The following PKD1L3 variants were observed in gnomAD, a reference collection of about 807,000 sequenced individuals.
PKD1L3 encodes the protein polycystin-1-like protein 3.
In PKD1L3, 239 loss-of-function variants were observed where a neutral mutation model predicts 184.1. The observed-to-expected ratio is 1.30, with a 90% CI of 1.17 to 1.45. The LOEUF is 1.45. PKD1L3 is among the 40% of genes most tolerant of loss of function. The pLI is 0.00. For missense variants in PKD1L3, 2,660 were observed against 2,067.2 expected (o/e 1.29, Z -5.56); for synonymous variants, 996 against 778.8 (o/e 1.28, Z -4.64).
intron 28 of PKD1L3, among the ~76,000 whole-genome samples, chr16:71,931,922 C>CT (rs1443743382): frequency 1.3e-5 from 2 of 152,164 alleles, no homozygotes; most frequent in Non-Finnish European, 2.9e-5. Flanking sequence ...GGGAGACAGT[C>CT]TCGCTCAGAG....
chr16:71,997,977 T>C (rs1011234501), intron 2 of PKD1L3, among the ~76,000 whole-genome samples: 3 of 152,188 alleles, frequency 2.0e-5, no homozygotes, highest in Non-Finnish European at 2.9e-5. Context: ...GACTGAATTA[T>C]GAGTGTGCAT....
chr16:71,970,072 A>G lies in PKD1L3; in HGVS notation c.1987T>C (p.Cys663Arg), dbSNP rs1031271826. The change falls in exon 13 of 30, where the codon TGT becomes CGT. Residue 663 changes from cysteine (C) to arginine (R), a missense_variant. Transcript: ENST00000620267. ...GPQSTILRTQ[C>R]LCNHLTFFAS... ...AAGAAGGTCAGGTGGTTACAGAGAC[A>G]CTGTGTCCTCAGAATTGTGCTCTGT... 11 of 1,551,572 alleles carry G rather than the reference A, an allele frequency of 7.1e-6. No homozygotes were observed. Among genetic ancestry groups the G allele is most frequent in the Non-Finnish European group, 8.7e-6 (10 of 1,147,004 alleles).
chr16:71,946,785 G>A (rs1188472024), intron 22 of PKD1L3, among the ~76,000 whole-genome samples: 1 of 8,754 alleles, frequency 1.1e-4, no homozygotes, highest in Admixed American at 1.6e-3. Flanking sequence ...GGGAGCAGTG[G>A]AGAACAGCAC....
chr16:71,939,900 G>C (rs1259963699), intron 24 of PKD1L3, among the ~76,000 whole-genome samples: 2 of 152,090 alleles, frequency 1.3e-5, no homozygotes, highest in Non-Finnish European at 2.9e-5. Flanking sequence ...AAGAAAAGGA[G>C]GGCAGATGAG....
intron 29 of PKD1L3, 42 bp downstream of exon 29, chr16:71,930,010 C>T (rs1182352202): frequency 1.3e-6 from 2 of 1,521,502 alleles, no homozygotes; most frequent in Non-Finnish European, 1.8e-6. Flanking sequence ...GGAGCTTTCC[C>T]AGTGATATAA....
intron 28 of PKD1L3, among the ~76,000 whole-genome samples, chr16:71,932,913 A>AGT (rs1426415717): frequency 6.7e-6 from 1 of 150,008 alleles, no homozygotes; most frequent in Non-Finnish European, 1.5e-5. Flanking sequence ...CAGCCTCCTG[A>AGT]GTGGCTAGGA....
rs1055491809 is a variant in PKD1L3 at position 71,986,115 on chromosome 16, G to C, written c.834+106C>G. 44 of 1,395,886 alleles carry C rather than the reference G, an allele frequency of 3.2e-5. 1 individual carries two copies. Among genetic ancestry groups the C allele is most frequent in the Admixed American group, 1.3e-4 (6 of 45,004 alleles). 86.5% of individuals were successfully genotyped at this position (1,395,886 alleles called of 1,614,324 possible). A position where few individuals can be genotyped will look rare whatever the true frequency, so the allele number is the denominator to read the frequency against. Reference sequence around the variant, plus strand: ...TTGTTTTGGATTGGCATATACGCTGGTCTGTCAGGCATTCTTAGGTGTAGT... The same window carrying C: ...TTGTTTTGGATTGGCATATACGCTGCTCTGTCAGGCATTCTTAGGTGTAGT... On this transcript the variant is annotated intron_variant, in intron 5 of 29. Transcript: ENST00000620267.
intron 11 of PKD1L3, among the ~76,000 whole-genome samples, chr16:71,974,792 G>A (rs980872828): frequency 1.2e-4 from 18 of 152,172 alleles, no homozygotes; most frequent in African/African-American, 3.9e-4. Flanking sequence ...TTGCTGCCTC[G>A]GGGACTTTGC....
intron 15 of PKD1L3, among the ~76,000 whole-genome samples, chr16:71,966,788 A>T (rs2039517093): frequency 6.6e-6 from 1 of 152,226 alleles, no homozygotes; most frequent in Middle Eastern, 3.4e-3. Context: ...TGTTTACTAA[A>T]GTTAGTCTTT....
At chr16:71,947,413 A>T in intron 22 of PKD1L3, 79 bp downstream of exon 22, 2 of 911,940 alleles carry the variant, frequency 2.2e-6, no homozygotes, top group Non-Finnish European at 3.5e-6. Context: ...TGAATGGGTT[A>T]ATTTATCGAG....
chr16:71,932,780 C>CT (rs71153681), intron 28 of PKD1L3, among the ~76,000 whole-genome samples: 1,470 of 97,070 alleles, frequency 0.015, 16 homozygotes, highest in African/African-American at 0.031. Context: ...CGCACCTGGC[C>CT]TTTTTTTTTT....
chr16:71,987,446 T>A (rs2040416462), intron 4 of PKD1L3, among the ~76,000 whole-genome samples: 1 of 152,052 alleles, frequency 6.6e-6, no homozygotes, highest in Non-Finnish European at 1.5e-5. Context: ...CCACCTCAGC[T>A]CACTGCAGCC....
At chr16:71,978,453 T>C (rs2040012209) in intron 9 of PKD1L3, 70 bp from the exon 10 acceptor site, 3 of 1,313,842 alleles carry the variant, frequency 2.3e-6, no homozygotes, top group Non-Finnish European at 3.1e-6. Flanking sequence ...TAGAAAGATA[T>C]ATCATATATA....
chr16:71,992,111 G>A (rs10852509), intron 3 of PKD1L3, among the ~76,000 whole-genome samples: 45,357 of 151,998 alleles, frequency 0.3, 8,037 homozygotes, highest in South Asian at 0.45. Flanking sequence ...GTGAGCCACC[G>A]TATTACACCC....
intron 15 of PKD1L3, among the ~76,000 whole-genome samples, chr16:71,963,606 A>G (rs2039374729): frequency 6.6e-6 from 1 of 152,128 alleles, no homozygotes; most frequent in Non-Finnish European, 1.5e-5. Flanking sequence ...ACGTCGCAAA[A>G]TCCCAACTCT....
rs1004839750 is a variant in PKD1L3 at position 71,993,236 on chromosome 16, G to C, written c.515C>G (p.Ala172Gly). The C allele has an allele frequency of 1.3e-6, 2 of 1,548,168 alleles. No homozygotes were observed. The highest frequency in any genetic ancestry group is 1.4e-5 in the African/African-American group (1 of 72,682). Residue 172 changes from alanine (A) to glycine (G), a missense_variant, in exon 3 of 30, where the codon GCA (alanine) becomes GGA (glycine). By Grantham distance (60) the Ala-to-Gly change is moderately conservative. Coordinates refer to ENST00000620267, the MANE Select transcript of PKD1L3 (RefSeq NM_181536.2). ...HKKTKRGVAI[A>G]RDKMPPGPGH... ...ATTACCTGGGGGCATTTTGTCTCTTGCTATTGCAACTCCTCTTTTTGTCTT... is the reference window on the plus strand; with the variant it reads ...ATTACCTGGGGGCATTTTGTCTCTTCCTATTGCAACTCCTCTTTTTGTCTT...
At chr16:71,942,038 G>C (rs1051657237) in intron 24 of PKD1L3, among the ~76,000 whole-genome samples, 3 of 151,834 alleles carry the variant, frequency 2.0e-5, no homozygotes, top group African/African-American at 7.3e-5. Flanking sequence ...ATTCTGGCTG[G>C]GCACGGTGGC....
intron 24 of PKD1L3, among the ~76,000 whole-genome samples, chr16:71,937,743 T>C (rs1178045054): frequency 6.6e-6 from 1 of 152,186 alleles, no homozygotes; most frequent in Non-Finnish European, 1.5e-5. Flanking sequence ...GAGAGAGGTC[T>C]AAAGCACTGA....
intron 18 of PKD1L3, among the ~76,000 whole-genome samples, chr16:71,952,075 T>A (rs2038855394): frequency 6.6e-6 from 1 of 152,086 alleles, no homozygotes; most frequent in African/African-American, 2.4e-5. Flanking sequence ...AGCATGTGGT[T>A]GATCACGGCT....
Sources: gnomAD v4.1 joint callset for allele counts (sites outside exome capture counted in the v4.1 genomes callset) on GRCh38, gnomAD v4.1.1 for gene constraint, MANE v1.5 for transcripts, NCBI Gene and HGNC (gene_info 2026-07-23, HGNC 2026-07-21) for gene names.